VPS13B: variants seen among roughly 807,000 people sequenced by gnomAD.
VPS13B encodes intermembrane lipid transfer protein VPS13B.
Under a neutral mutation model 426.4 loss-of-function variants are expected in VPS13B, and 285 were observed. The ratio of observed to expected loss-of-function variants is 0.67; its 90% CI spans 0.61 to 0.74. VPS13B has a LOEUF of 0.74. Among genes scored for constraint, VPS13B ranks in the 30% least tolerant of loss-of-function variants. The pLI, the probability that VPS13B is intolerant of heterozygous loss-of-function variation, is 0.00. For synonymous variants in VPS13B, 1,676 were observed against 1,676.4 expected (o/e 1.00, Z 0.01); for missense variants, 4,537 against 4,782.6 (o/e 0.95, Z 1.51).
At chr8:99,775,080 C>T (rs529300662) in intron 40 of VPS13B, among the ~76,000 whole-genome samples, 1 of 152,226 alleles carries the variant, frequency 6.6e-6, no homozygotes, top group Non-Finnish European at 1.5e-5. Context: ...ATTCACACCT[C>T]TGAAAATCCC....
At chr8:99,622,804 T>C (rs1828424356) in intron 33 of VPS13B, among the ~76,000 whole-genome samples, 1 of 152,198 alleles carries the variant, frequency 6.6e-6, no homozygotes, top group African/African-American at 2.4e-5. Context: ...CCTGTTTCTT[T>C]CTTAGACGTT....
chr8:99,832,542 T>C lies in VPS13B; in HGVS notation c.9504T>C (p.Gly3168=). ...TGCTGGGCTTTTCTCCTGCCCCAGG[T>C]GCTGACAGCTCACAGTGCTGGAGCC... ...QIMLGFSPAP[G]ADSSQCWSLP... The change falls in exon 52 of 62, where the codon GGT becomes GGC. Residue 3168 remains glycine (G), a synonymous_variant. Coordinates refer to ENST00000357162, the MANE Select transcript of VPS13B (RefSeq NM_152564.5). 6.2e-7 allele frequency: 1 copy of C among 1,613,898 alleles called. No homozygotes were observed. The highest frequency in any genetic ancestry group is 1.1e-5 in the South Asian group (1 of 91,066).
At chr8:99,686,476 C>T (rs1157018172) in intron 35 of VPS13B, among the ~76,000 whole-genome samples, 3 of 152,024 alleles carry the variant, frequency 2.0e-5, no homozygotes, top group Non-Finnish European at 2.9e-5. Flanking sequence ...TCCAGAGATG[C>T]TGTCCAGGAG....
intron 45 of VPS13B, 98 bp from the exon 46 acceptor site, chr8:99,818,353 C>A: frequency 8.0e-7 from 1 of 1,257,610 alleles, no homozygotes; most frequent in Non-Finnish European, 1.2e-6. Context: ...AAACTTTAAA[C>A]TCTTTTTAAT....
chr8:99,610,548 G>A (rs771524911), intron 33 of VPS13B, among the ~76,000 whole-genome samples: 23 of 151,860 alleles, frequency 1.5e-4, no homozygotes, highest in Admixed American at 5.2e-4. Flanking sequence ...GAGAACACAT[G>A]GACTCGGGGA....
chr8:99,857,456 TC>T (rs1364705209), intron 56 of VPS13B, among the ~76,000 whole-genome samples: 1 of 152,232 alleles, frequency 6.6e-6, no homozygotes, highest in Non-Finnish European at 1.5e-5. Context: ...ATCTGCTGTT[TC>T]TTTACCTCCA....
At chr8:99,823,790 T>G (rs1366581192) in intron 50 of VPS13B, 42 bp from the exon 51 acceptor site, 5 of 1,597,874 alleles carry the variant, frequency 3.1e-6, no homozygotes, top group Middle Eastern at 2.1e-4. Context: ...TTGATATGCC[T>G]TACAGTATTG....
intron 41 of VPS13B, among the ~76,000 whole-genome samples, chr8:99,777,196 T>C (rs1035771680): frequency 5.9e-5 from 9 of 152,218 alleles, no homozygotes. Flanking sequence ...TTTTGAATGC[T>C]ACCTAATGAG....
chr8:99,250,377 A>G (rs1021590875), intron 17 of VPS13B, among the ~76,000 whole-genome samples: 1 of 151,952 alleles, frequency 6.6e-6, no homozygotes, highest in African/African-American at 2.4e-5. Flanking sequence ...GATGAGGCCA[A>G]TTTTTTTCTT....
intron 21 of VPS13B, among the ~76,000 whole-genome samples, chr8:99,420,717 A>G (rs1205448387): frequency 2.0e-5 from 3 of 152,162 alleles, no homozygotes; most frequent in South Asian, 2.1e-4. Flanking sequence ...CACACATTCA[A>G]ATATTTAAAG....
intron 33 of VPS13B, among the ~76,000 whole-genome samples, chr8:99,602,028 T>G (rs973778594): frequency 1.3e-5 from 2 of 152,244 alleles, no homozygotes; most frequent in African/African-American, 4.8e-5. Context: ...CAATTTTGGC[T>G]TTTGTTGCCA....
intron 19 of VPS13B, among the ~76,000 whole-genome samples, chr8:99,326,411 T>C (rs1282870952): frequency 6.9e-6 from 1 of 144,398 alleles, no homozygotes; most frequent in Non-Finnish European, 1.5e-5. Flanking sequence ...AATTAAATAA[T>C]TTGAAATAAG....
intron 35 of VPS13B, among the ~76,000 whole-genome samples, chr8:99,672,884 G>C (rs1830776104): frequency 6.6e-6 from 1 of 151,976 alleles, no homozygotes; most frequent in African/African-American, 2.4e-5. Flanking sequence ...TGCTTTTTCT[G>C]CACCTGTTGA....
intron 17 of VPS13B, among the ~76,000 whole-genome samples, chr8:99,197,256 A>G (rs1813993937): frequency 6.6e-6 from 1 of 150,600 alleles, no homozygotes; most frequent in African/African-American, 2.4e-5. Flanking sequence ...ATCTATGTTC[A>G]CCAGAGATAT....
In VPS13B at chr8:99,292,707, A is replaced by T. The variant is rs189844687; in HGVS notation, c.2824+17453A>T. On this transcript the variant is annotated intron_variant, in intron 19 of 61. Transcript: ENST00000357162. Reference sequence around the variant, plus strand: ...AGCAAATAATTTAGATATCATAAAAAATAATTTATCCACCTTAAATGGAAT... The same window carrying T: ...AGCAAATAATTTAGATATCATAAAATATAATTTATCCACCTTAAATGGAAT... Among the ~76,000 whole-genome samples, 965 of 152,236 alleles carry T rather than the reference A, an allele frequency of 6.3e-3. 7 individuals are homozygous for T. Among genetic ancestry groups the T allele is most frequent in the Non-Finnish European group, 9.6e-3 (656 of 67,994 alleles).
At chr8:99,379,970 C>T (rs1485922172) in intron 19 of VPS13B, among the ~76,000 whole-genome samples, 1 of 152,082 alleles carries the variant, frequency 6.6e-6, no homozygotes, top group African/African-American at 2.4e-5. Context: ...TTTAAATTCT[C>T]TAAATCTTGT....
At chr8:99,245,735 G>A (rs1817181247) in intron 17 of VPS13B, among the ~76,000 whole-genome samples, 1 of 152,154 alleles carries the variant, frequency 6.6e-6, no homozygotes, top group South Asian at 2.1e-4. Flanking sequence ...GTACAGATAG[G>A]GTTTTGCCAT....
chr8:99,385,020 T>G (rs1814038910), intron 20 of VPS13B, among the ~76,000 whole-genome samples: 1 of 152,170 alleles, frequency 6.6e-6, no homozygotes, highest in Admixed American at 6.5e-5. Context: ...CATATTTAGG[T>G]TTTTTCAACA....
chr8:99,639,844 G>A (rs1382859861), intron 33 of VPS13B, among the ~76,000 whole-genome samples: 2 of 149,042 alleles, frequency 1.3e-5, no homozygotes, highest in African/African-American at 4.9e-5. Flanking sequence ...GGTGGTGCAT[G>A]CCTGTAATCC....
Sources: allele counts gnomAD v4.1 joint callset (sites outside exome capture counted in the v4.1 genomes callset), GRCh38; gene constraint gnomAD v4.1.1; transcripts MANE v1.5; gene names NCBI Gene and HGNC (gene_info 2026-07-23, HGNC 2026-07-21).